Variants in PCED1B observed in about 807,000 individuals in gnomAD.
PCED1B encodes the protein PC-esterase domain-containing protein 1B.
For synonymous variants in PCED1B, 251 were observed against 246.1 expected (o/e 1.02, Z -0.19); for missense variants, 573 against 573.9 (o/e 1.00, Z 0.02).
chr12:47,128,217 A>T (rs1939975478), intron 2 of PCED1B, among the ~76,000 whole-genome samples: 1 of 152,176 alleles, frequency 6.6e-6, no homozygotes, highest in South Asian at 2.1e-4. Flanking sequence ...GATTATGGCA[A>T]TTTGGTGATT....
intron 2 of PCED1B, among the ~76,000 whole-genome samples, chr12:47,126,019 TG>T (rs1469168352): frequency 6.6e-6 from 1 of 152,088 alleles, no homozygotes; most frequent in African/African-American, 2.4e-5. Flanking sequence ...CTTATTGCAT[TG>T]CTTGATACTC....
At chr12:47,169,128 G>T (rs2137540451) in intron 2 of PCED1B, among the ~76,000 whole-genome samples, 1 of 152,314 alleles carries the variant, frequency 6.6e-6, no homozygotes, top group Non-Finnish European at 1.5e-5. Flanking sequence ...CACAGAAGTG[G>T]AAATGAAGAC....
intron 2 of PCED1B, among the ~76,000 whole-genome samples, chr12:47,184,264 C>T (rs1942185508): frequency 6.6e-6 from 1 of 152,188 alleles, no homozygotes. Flanking sequence ...TGCATGCTTA[C>T]CCTCTGGCTA....
intron 2 of PCED1B, among the ~76,000 whole-genome samples, chr12:47,150,560 A>G (rs1348446833): frequency 6.6e-6 from 1 of 151,832 alleles, no homozygotes; most frequent in Non-Finnish European, 1.5e-5. Context: ...TCTGGGCAAC[A>G]GAGTGAGACT....
chr12:47,098,045 T>C (rs1938551072), intron 1 of PCED1B, among the ~76,000 whole-genome samples: 1 of 152,234 alleles, frequency 6.6e-6, no homozygotes, highest in South Asian at 2.1e-4. Context: ...AGGCATTTGC[T>C]TTTGGGTAGT....
chr12:47,157,789 AG>A (rs1941243278), intron 2 of PCED1B, among the ~76,000 whole-genome samples: 1 of 152,186 alleles, frequency 6.6e-6, no homozygotes, highest in Non-Finnish European at 1.5e-5. Context: ...TACCTGTTAC[AG>A]AATAACTCTC....
intron 2 of PCED1B, among the ~76,000 whole-genome samples, chr12:47,124,490 A>C (rs1330574060): frequency 6.8e-6 from 1 of 146,178 alleles, no homozygotes; most frequent in Non-Finnish European, 1.5e-5. Context: ...TTCATCTGTA[A>C]GTCTTTGTAT....
intron 2 of PCED1B, among the ~76,000 whole-genome samples, chr12:47,181,822 C>A (rs1197158617): frequency 6.6e-6 from 1 of 151,458 alleles, no homozygotes; most frequent in Non-Finnish European, 1.5e-5. Context: ...CAGAGGACAA[C>A]ACATCATTAC....
intron 3 of PCED1B, among the ~76,000 whole-genome samples, chr12:47,230,789 G>C (rs911524939): frequency 3.3e-5 from 5 of 152,156 alleles, no homozygotes; most frequent in African/African-American, 1.2e-4. Context: ...GTGTAACTTG[G>C]AGCATCATGT....
chr12:47,155,509 C>T (rs1565572042), intron 2 of PCED1B, among the ~76,000 whole-genome samples: 2 of 152,224 alleles, frequency 1.3e-5, no homozygotes, highest in South Asian at 2.1e-4. Flanking sequence ...AGTCTGTGAC[C>T]CTGAATACAT....
intron 2 of PCED1B, among the ~76,000 whole-genome samples, chr12:47,126,864 T>C (rs1356047531): frequency 6.6e-6 from 1 of 152,212 alleles, no homozygotes; most frequent in East Asian, 1.9e-4. Context: ...CCATTCCTGA[T>C]GTTGGTCACT....
intron 2 of PCED1B, among the ~76,000 whole-genome samples, chr12:47,185,362 T>C (rs745715148): frequency 6.6e-6 from 1 of 152,172 alleles, no homozygotes; most frequent in African/African-American, 2.4e-5. Context: ...AAGACAGCCC[T>C]GTGAAGAAGG....
chr12:47,189,097 CT>C (rs1318809214), intron 2 of PCED1B, among the ~76,000 whole-genome samples: 4 of 152,158 alleles, frequency 2.6e-5, no homozygotes, highest in Non-Finnish European at 5.9e-5. Context: ...TTTCCTCTAT[CT>C]TACATTTTGA....
At chr12:47,143,352 A>G (rs1940668110) in intron 2 of PCED1B, among the ~76,000 whole-genome samples, 1 of 152,144 alleles carries the variant, frequency 6.6e-6, no homozygotes. Context: ...ACAACTAATA[A>G]ATGAATTTAG....
At position 47,235,799 on chromosome 12, in the gene PCED1B, G is replaced by A. The variant is rs1943962035; in HGVS notation, c.736G>A (p.Ala246Thr). The A allele has an allele frequency of 6.3e-7, 1 of 1,579,242 alleles. No individual in the cohort carries two copies. The highest frequency in any genetic ancestry group is 8.6e-7 in the Non-Finnish European group (1 of 1,162,644). The change falls in exon 4 of 4, where the codon GCC (alanine) becomes ACC (threonine). Residue 246 changes from alanine (A) to threonine (T), a missense_variant. Physicochemically the swap from Ala to Thr is moderately conservative, Grantham distance 58. Coordinates refer to ENST00000546455, the MANE Select transcript of PCED1B (RefSeq NM_138371.3). ...CCGCTGCCTCTCCCAGCTGCTGCTG[G>A]CCCACGTGGCCGACGCCTGGGGTGT... is the stretch of plus-strand genomic sequence containing the variant. The part of the protein sequence containing the change: ...VHRCLSQLLL[A>T]HVADAWGVEL...
chr12:47,120,218 C>T (rs1939618759), intron 2 of PCED1B, among the ~76,000 whole-genome samples: 1 of 152,042 alleles, frequency 6.6e-6, no homozygotes. Flanking sequence ...AATTGGAATC[C>T]TCCTGTGCTG....
chr12:47,217,534 A>G (rs1047486443), intron 3 of PCED1B, among the ~76,000 whole-genome samples: 8 of 151,344 alleles, frequency 5.3e-5, no homozygotes, highest in Non-Finnish European at 1.0e-4. Context: ...AGAAAGAGAG[A>G]AAAGAAAAGG....
At chr12:47,171,813 T>C (rs1941745705) in intron 2 of PCED1B, among the ~76,000 whole-genome samples, 1 of 151,866 alleles carries the variant, frequency 6.6e-6, no homozygotes, top group African/African-American at 2.4e-5. Flanking sequence ...TCTTCTTTTT[T>C]TCTTCCTCTT....
intron 2 of PCED1B, among the ~76,000 whole-genome samples, chr12:47,161,162 T>C (rs1417319292): frequency 1.3e-5 from 2 of 152,188 alleles, no homozygotes; most frequent in African/African-American, 4.8e-5. Context: ...AATCACTCAG[T>C]CTCAGTTATT....
Sources: allele counts gnomAD v4.1 joint callset (sites outside exome capture counted in the v4.1 genomes callset), GRCh38; gene constraint gnomAD v4.1.1; transcripts MANE v1.5; gene names NCBI Gene and HGNC (gene_info 2026-07-23, HGNC 2026-07-21).